The following SSH2 variants were observed in gnomAD, a reference collection of about 807,000 sequenced individuals.
The protein encoded by SSH2 is protein phosphatase Slingshot homolog 2.
Under a neutral mutation model 135.2 loss-of-function variants are expected in SSH2, and 37 were observed. That is an observed-to-expected ratio of 0.27 (90% CI 0.21 to 0.36). SSH2 has a LOEUF of 0.36. Among genes scored for constraint, SSH2 ranks in the 10% least tolerant of loss-of-function variants. The pLI, the probability that SSH2 is intolerant of heterozygous loss-of-function variation, is 1.00. For synonymous variants in SSH2, 628 were observed against 646.2 expected, an observed-to-expected ratio of 0.97 and a Z score of 0.43; for missense variants, 1,408 against 1,765.3, an observed-to-expected ratio of 0.80 and a Z score of 3.63.
chr17:29,861,154 A>G (rs1235500881), intron 1 of SSH2, among the ~76,000 whole-genome samples: 1 of 151,978 alleles, frequency 6.6e-6, no homozygotes, highest in African/African-American at 2.4e-5. Context: ...GTTTGTAAAC[A>G]TTTTCTCCCA....
intron 1 of SSH2, among the ~76,000 whole-genome samples, chr17:29,881,554 T>A (rs2066138129): frequency 6.6e-6 from 1 of 152,054 alleles, no homozygotes; most frequent in African/African-American, 2.4e-5. Flanking sequence ...CAGGCTGGAG[T>A]GCAGTGGCAC....
intron 2 of SSH2, among the ~76,000 whole-genome samples, chr17:29,803,633 T>C (rs2042290627): frequency 2.0e-5 from 3 of 152,130 alleles, no homozygotes; most frequent in Non-Finnish European, 4.4e-5. Flanking sequence ...CTTCGCACAA[T>C]AGCAGAAGTA....
rs1380171247 is a variant in SSH2 at position 29,636,689 on chromosome 17, G to A, written c.1541C>T (p.Ser514Leu). ...CTTCACCTCAGCAATCTGGTCTGCT[G>A]AGGTGGTGATATCCTTCTTGTTGAG... ...LELNKKDITT[S>L]ADQIAEVKTM... The change falls in exon 15 of 16, where the codon TCA (serine) becomes TTA (leucine). Residue 514 changes from serine (S) to leucine (L), a missense_variant. Around this residue, in one of 3 missense-constraint regions of SSH2, gnomAD observed 1,080 missense variants for 1,144.5 expected, o/e 0.94. Transcript: ENST00000540801. 1.1e-5 allele frequency: 18 copies of A among 1,614,174 alleles called. No individual in the cohort carries two copies. The highest frequency in any genetic ancestry group is 1.4e-5 in the Non-Finnish European group (17 of 1,180,032).
intron 3 of SSH2, among the ~76,000 whole-genome samples, chr17:29,734,362 G>A (rs901331899): frequency 6.6e-6 from 1 of 152,160 alleles, no homozygotes; most frequent in African/African-American, 2.4e-5. Context: ...CATAAAATGT[G>A]GTTGCTCACA....
At chr17:29,736,265 T>C (rs185784553) in intron 3 of SSH2, among the ~76,000 whole-genome samples, 169 of 152,302 alleles carry the variant, frequency 1.1e-3, no homozygotes, top group African/African-American at 3.9e-3. Flanking sequence ...AAAGAGGTTT[T>C]ACACTTCTCT....
chr17:29,691,951 C>T (rs2038497716), intron 5 of SSH2, among the ~76,000 whole-genome samples: 1 of 151,150 alleles, frequency 6.6e-6, no homozygotes, highest in Admixed American at 6.6e-5. Flanking sequence ...CCAGCCTGGC[C>T]AACATGGTGA....
intron 2 of SSH2, among the ~76,000 whole-genome samples, chr17:29,846,309 C>T (rs1182588709): frequency 1.3e-5 from 2 of 152,206 alleles, no homozygotes; most frequent in Admixed American, 6.5e-5. Flanking sequence ...GCTGGGATTA[C>T]AGGCATGAGC....
intron 1 of SSH2, among the ~76,000 whole-genome samples, chr17:29,882,303 A>C (rs1020156486): frequency 1.2e-4 from 19 of 152,308 alleles, no homozygotes; most frequent in African/African-American, 4.1e-4. Context: ...TCTTTCTCCC[A>C]CTATCATCAC....
chr17:29,747,489 T>G (rs2151221737), intron 3 of SSH2, among the ~76,000 whole-genome samples: 1 of 152,326 alleles, frequency 6.6e-6, no homozygotes, highest in East Asian at 1.9e-4. Flanking sequence ...GATTTGCCCT[T>G]TGGTGTGCAA....
intron 3 of SSH2, among the ~76,000 whole-genome samples, chr17:29,786,024 T>C (rs2041956743): frequency 6.6e-6 from 1 of 152,006 alleles, no homozygotes; most frequent in South Asian, 2.1e-4. Context: ...CAGGATGGTC[T>C]TGATCTCCTG....
intron 14 of SSH2, among the ~76,000 whole-genome samples, chr17:29,637,273 A>G (rs2150972771): frequency 6.6e-6 from 1 of 152,114 alleles, no homozygotes; most frequent in South Asian, 2.1e-4. Context: ...TAATTTTTGT[A>G]TTTTTAGTAG....
chr17:29,631,497 A>C lies in SSH2; in HGVS notation c.3697T>G (p.Leu1233Val), dbSNP rs773467764. The change falls in exon 16 of 16, where the codon TTG becomes GTG. Residue 1233 changes from leucine to valine, a missense_variant. Physicochemically the swap from Leu to Val is conservative, Grantham distance 32. Coordinates refer to ENST00000540801, the MANE Select transcript of SSH2 (RefSeq NM_001282129.2). Reference protein sequence around the residue: ...TGELQEKMDPLPVACRLPHSS... With the variant: ...TGELQEKMDPVPVACRLPHSS... ...TGTGGGAGTCGACAGGCTACAGGCA[A>C]TGGGTCCATTTTCTCCTGTAACTCC... The C allele has an allele frequency of 6.2e-7, 1 of 1,614,096 alleles. No individual in the cohort carries two copies. Among genetic ancestry groups the C allele is most frequent in the Non-Finnish European group, 8.5e-7 (1 of 1,179,992 alleles).
At chr17:29,709,549 C>T (rs952971815) in intron 3 of SSH2, among the ~76,000 whole-genome samples, 3 of 152,080 alleles carry the variant, frequency 2.0e-5, no homozygotes, top group East Asian at 1.9e-4. Flanking sequence ...TGGTGGCACA[C>T]GCTTATAATC....
At chr17:29,730,332 T>G (rs1461685206) in intron 3 of SSH2, among the ~76,000 whole-genome samples, 1 of 147,988 alleles carries the variant, frequency 6.8e-6, no homozygotes, top group Admixed American at 6.8e-5. Flanking sequence ...TATATAATTT[T>G]ATATACATAT....
Position 29,666,065 on chromosome 17 carries a change from G to A in SSH2, c.1032+802C>T, listed in dbSNP as rs183790295. 4.7e-3 allele frequency among the ~76,000 whole-genome samples: 716 copies of A among 152,128 alleles called. 4 individuals are homozygous for A. Among genetic ancestry groups the A allele is most frequent in the Non-Finnish European group, 8.2e-3 (555 of 67,986 alleles). On this transcript the variant is annotated intron_variant, in intron 11 of 15. Transcript: ENST00000540801. ...AGGATCATCCTATTTGGGGCCAGGC[G>A]CGATGGCTCATGCCGGTAATTTGGG...
At chr17:29,852,820 G>A (rs1446495407) in intron 1 of SSH2, among the ~76,000 whole-genome samples, 1 of 151,922 alleles carries the variant, frequency 6.6e-6, no homozygotes, top group Non-Finnish European at 1.5e-5. Context: ...AAAGTGCTGG[G>A]ATTATAGGCG....
intron 6 of SSH2, among the ~76,000 whole-genome samples, chr17:29,679,412 T>A (rs1007138021): frequency 6.6e-6 from 1 of 151,976 alleles, no homozygotes; most frequent in African/African-American, 2.4e-5. Context: ...TTTTTATTTT[T>A]TTTTTTATTT....
intron 1 of SSH2, among the ~76,000 whole-genome samples, chr17:29,878,777 T>A (rs904068489): frequency 6.6e-6 from 1 of 152,320 alleles, no homozygotes; most frequent in Non-Finnish European, 1.5e-5. Context: ...CTAAATATAC[T>A]ATGTTATGAT....
chr17:29,760,635 C>T (rs1054907328), intron 3 of SSH2, among the ~76,000 whole-genome samples: 6 of 151,964 alleles, frequency 3.9e-5, no homozygotes, highest in Non-Finnish European at 5.9e-5. Flanking sequence ...TAGAAACTAC[C>T]GAAATCTAGC....
Sources: gnomAD v4.1 joint callset for allele counts (sites outside exome capture counted in the v4.1 genomes callset) on GRCh38, gnomAD v4.1.1 for gene constraint, gnomAD v4.1.1 regional missense constraint, MANE v1.5 for transcripts, NCBI Gene and HGNC (gene_info 2026-07-23, HGNC 2026-07-21) for gene names.